PTPRK: variants seen among roughly 807,000 people sequenced by gnomAD.
PTPRK encodes the protein protein tyrosine phosphatase receptor type K.
PTPRK carries 75 observed loss-of-function variants against 178.0 expected under a neutral mutation model. That is an observed-to-expected ratio of 0.42 (90% confidence interval 0.35 to 0.51). PTPRK has a LOEUF of 0.51. Ranked by LOEUF, PTPRK falls within the 20% of genes least tolerant of loss-of-function variation. PTPRK has a pLI of 0.02. For missense variants in PTPRK, 1,441 were observed against 1,797.8 expected (o/e 0.80, Z 3.59); for synonymous variants, 637 against 620.6 (o/e 1.03, Z -0.39).
intron 1 of PTPRK, among the ~76,000 whole-genome samples, chr6:128,514,376 G>C (rs1315913015): frequency 7.7e-6 from 1 of 130,222 alleles, no homozygotes; most frequent in Non-Finnish European, 1.5e-5. Context: ...TAAGATGTGT[G>C]TGTGTGTGTG....
At chr6:128,465,690 A>G (rs1849758414) in intron 1 of PTPRK, among the ~76,000 whole-genome samples, 1 of 152,110 alleles carries the variant, frequency 6.6e-6, no homozygotes, top group African/African-American at 2.4e-5. Flanking sequence ...TCAACTTGTC[A>G]CTTATTTTTT....
At chr6:128,500,033 A>C (rs1310387827) in intron 1 of PTPRK, among the ~76,000 whole-genome samples, 1 of 152,210 alleles carries the variant, frequency 6.6e-6, no homozygotes, top group Non-Finnish European at 1.5e-5. Flanking sequence ...AGGTTGGTGG[A>C]CTCAAAACAC....
chr6:128,195,412 C>T (rs1285597415), intron 6 of PTPRK, among the ~76,000 whole-genome samples: 1 of 151,860 alleles, frequency 6.6e-6, no homozygotes, highest in Non-Finnish European at 1.5e-5. Flanking sequence ...ATGACTCAGA[C>T]CTGCAATAAA....
chr6:128,393,381 G>T (rs768268902), intron 2 of PTPRK, among the ~76,000 whole-genome samples: 14 of 152,066 alleles, frequency 9.2e-5, no homozygotes, highest in Non-Finnish European at 1.9e-4. Context: ...GAGCCACCAC[G>T]CCCGGCTGTT....
intron 2 of PTPRK, among the ~76,000 whole-genome samples, chr6:128,329,579 C>A (rs1490511159): frequency 6.6e-6 from 1 of 152,074 alleles, no homozygotes; most frequent in African/African-American, 2.4e-5. Flanking sequence ...ACCAGGAGAG[C>A]CATTGGTGTA....
chr6:128,318,421 C>T (rs1312441900), intron 3 of PTPRK, among the ~76,000 whole-genome samples: 1 of 152,066 alleles, frequency 6.6e-6, no homozygotes, highest in African/African-American at 2.4e-5. Flanking sequence ...TCAATTCTTA[C>T]ATTTTTTTTC....
At chr6:128,402,833 TA>T (rs1334074291) in intron 1 of PTPRK, among the ~76,000 whole-genome samples, 3 of 152,200 alleles carry the variant, frequency 2.0e-5, no homozygotes, top group African/African-American at 7.2e-5. Context: ...GGTCATAATA[TA>T]TTGCTCTGGT....
At chr6:128,245,341 A>G (rs1815264880) in intron 3 of PTPRK, among the ~76,000 whole-genome samples, 1 of 152,208 alleles carries the variant, frequency 6.6e-6, no homozygotes, top group Admixed American at 6.5e-5. Flanking sequence ...AATGTTAAGT[A>G]AATTTTAAAT....
chr6:128,478,916 C>T (rs930709792), intron 1 of PTPRK, among the ~76,000 whole-genome samples: 16 of 152,072 alleles, frequency 1.1e-4, no homozygotes, highest in African/African-American at 3.6e-4. Context: ...CAACCAGCTC[C>T]ATACCAACTT....
At chr6:128,146,819 G>C (rs1296165427) in intron 7 of PTPRK, among the ~76,000 whole-genome samples, 1 of 151,992 alleles carries the variant, frequency 6.6e-6, no homozygotes, top group Non-Finnish European at 1.5e-5. Context: ...TATCACATAA[G>C]ACACCATGTC....
chr6:128,092,280 T>A (rs1326584269), intron 7 of PTPRK, among the ~76,000 whole-genome samples: 5 of 152,168 alleles, frequency 3.3e-5, no homozygotes, highest in Admixed American at 6.5e-5. Context: ...AGGGCCCTGA[T>A]GTTGATAAAA....
intron 3 of PTPRK, among the ~76,000 whole-genome samples, chr6:128,304,688 T>G (rs7740786): frequency 0.053 from 8,082 of 152,226 alleles, 723 homozygotes; most frequent in African/African-American, 0.18. Context: ...AAATGCAACT[T>G]TGCACAAAGA....
At chr6:128,172,635 T>C (rs1439089284) in intron 7 of PTPRK, among the ~76,000 whole-genome samples, 1 of 150,656 alleles carries the variant, frequency 6.6e-6, no homozygotes, top group Admixed American at 6.6e-5. Flanking sequence ...AGTGTGTGTG[T>C]ATATATATAA....
At chr6:128,344,477 A>C (rs1832126973) in intron 2 of PTPRK, among the ~76,000 whole-genome samples, 1 of 152,142 alleles carries the variant, frequency 6.6e-6, no homozygotes, top group Non-Finnish European at 1.5e-5. Context: ...CTGATTCAAC[A>C]AAATTAGACT....
At chr6:128,191,505 A>AT (rs1243943678) in intron 6 of PTPRK, among the ~76,000 whole-genome samples, 28 of 152,058 alleles carry the variant, frequency 1.8e-4, no homozygotes, top group African/African-American at 6.7e-4. Context: ...TATAACTATA[A>AT]TATAGGTAAG....
intron 16 of PTPRK, among the ~76,000 whole-genome samples, chr6:127,997,867 A>G (rs1195044576): frequency 6.6e-6 from 1 of 152,152 alleles, no homozygotes; most frequent in Non-Finnish European, 1.5e-5. Flanking sequence ...ATGGAGTTTA[A>G]AAGATTCTTC....
chr6:127,998,531 A>G (rs1350091476), intron 16 of PTPRK, among the ~76,000 whole-genome samples, 189 bp downstream of exon 16: 4 of 152,010 alleles, frequency 2.6e-5, no homozygotes, highest in Admixed American at 1.3e-4. Flanking sequence ...ATCTCTGGGA[A>G]GTGCTTTTTT....
chr6:128,416,029 A>G (rs1210824135), intron 1 of PTPRK, among the ~76,000 whole-genome samples: 1 of 152,134 alleles, frequency 6.6e-6, no homozygotes, highest in Non-Finnish European at 1.5e-5. Flanking sequence ...TATCAGTACT[A>G]CACTCAATCT....
chr6:127,973,169 G>A lies in PTPRK; in HGVS notation c.4134-12C>T. 2 of 1,613,630 alleles carry A rather than the reference G, an allele frequency of 1.2e-6. No homozygotes were observed. The highest frequency in any genetic ancestry group is 1.1e-5 in the South Asian group (1 of 91,052). ...GCCCGCCACCATTTCTGAAAGCAAAGAAAGCAAAGGCATTTTAGATAGCAG... is the reference window on the plus strand; with the variant it reads ...GCCCGCCACCATTTCTGAAAGCAAAAAAAGCAAAGGCATTTTAGATAGCAG... On this transcript the variant is annotated splice_polypyrimidine_tract_variant and intron_variant, in intron 28 of 29. Coordinates refer to ENST00000368226, the MANE Select transcript of PTPRK (RefSeq NM_002844.4).
Sources: gnomAD v4.1 joint callset for allele counts (sites outside exome capture counted in the v4.1 genomes callset) on GRCh38, gnomAD v4.1.1 for gene constraint, MANE v1.5 for transcripts, NCBI Gene and HGNC (gene_info 2026-07-23, HGNC 2026-07-21) for gene names.